Variants in DARS2 observed in about 807,000 individuals in gnomAD.
The protein encoded by DARS2 is aspartate--tRNA ligase, mitochondrial.
A neutral mutation model predicts 83.0 loss-of-function variants in DARS2; 63 were observed. That is an observed-to-expected ratio of 0.76 (90% confidence interval 0.62 to 0.94). The LOEUF is 0.94. DARS2 is among the 40% of genes least tolerant of loss of function. The probability of loss-of-function intolerance (pLI) is 0.00; values close to 1 mark genes in which losing one functional copy is unlikely to be tolerated. For missense variants in DARS2, 675 were observed against 774.4 expected (o/e 0.87, Z 1.52); for synonymous variants, 250 against 269.3 (o/e 0.93, Z 0.70).
At chr1:173,853,664 G>A in intron 14 of DARS2, 97 bp downstream of exon 14, 4 of 1,524,086 alleles carry the variant, frequency 2.6e-6, no homozygotes, top group Non-Finnish European at 3.6e-6. Context: ...CCCAGTTCTG[G>A]AAGCCCCAGA....
rs1054264534 is a variant in DARS2 at position 173,852,144 on chromosome 1, C to G, written c.1345-1205C>G. The G allele has an allele frequency of 1.1e-5, 11 of 985,212 alleles. No homozygotes were observed. In the African/African-American group the frequency reaches 1.9e-4, roughly 17 times the overall value. 61.0% of individuals were successfully genotyped at this position (985,212 alleles called of 1,614,324 possible). On this transcript the variant is annotated intron_variant, in intron 13 of 16. Coordinates refer to ENST00000649689, the MANE Select transcript of DARS2 (RefSeq NM_018122.5). ...TTCTGAAAATGTCACAATGAAGGTCCGTTATGTAGACGTAAATGTAAGATA... is the reference window on the plus strand; with the variant it reads ...TTCTGAAAATGTCACAATGAAGGTCGGTTATGTAGACGTAAATGTAAGATA...
rs369281358 is a variant in DARS2 at position 173,839,582 on chromosome 1, A to C, written c.1020+36A>C. Reference sequence around the variant, plus strand: ...TCACTTTTCTAGGACTCTGTCCCCAAATAATCCTGCAGTCTTTTTAAACCA... The same window carrying C: ...TCACTTTTCTAGGACTCTGTCCCCACATAATCCTGCAGTCTTTTTAAACCA... On this transcript the variant is annotated intron_variant, in intron 10 of 16. Coordinates refer to ENST00000649689, the MANE Select transcript of DARS2 (RefSeq NM_018122.5). 5 of 1,590,774 alleles carry C rather than the reference A, an allele frequency of 3.1e-6. No individual in the cohort carries two copies. The South Asian group carries it at 5.5e-5, about 18-fold the overall frequency.
intron 6 of DARS2, among the ~76,000 whole-genome samples, chr1:173,834,015 C>G (rs1308834593): frequency 6.6e-6 from 1 of 152,090 alleles, no homozygotes; most frequent in Non-Finnish European, 1.5e-5. Flanking sequence ...TCCCACCTAA[C>G]CATCCCAAAG....
At chr1:173,843,223 C>T (rs906152249) in intron 11 of DARS2, among the ~76,000 whole-genome samples, 2 of 151,980 alleles carry the variant, frequency 1.3e-5, no homozygotes, top group African/African-American at 4.8e-5. Context: ...GGTTTATTGC[C>T]ATACAAAGAA....
At position 173,838,184 on chromosome 1, in the gene DARS2, T is replaced by A; in HGVS notation, c.771-6T>A. ...TAACTCAATTAATGCTATTTCTCAA[T>A]TGTAGATATTTTCAGGTTGCCCGAT... On this transcript the variant is annotated splice_polypyrimidine_tract_variant and splice_region_variant and intron_variant, in intron 8 of 16. Transcript: ENST00000649689. The A allele has an allele frequency of 6.2e-7, 1 of 1,609,174 alleles. No individual in the cohort carries two copies. The highest frequency in any genetic ancestry group is 8.5e-7 in the Non-Finnish European group (1 of 1,175,574).
chr1:173,825,948 C>T (rs1652521802), intron 1 of DARS2, among the ~76,000 whole-genome samples: 1 of 151,020 alleles, frequency 6.6e-6, no homozygotes, highest in Non-Finnish European at 1.5e-5. Flanking sequence ...TTCGGCCGGG[C>T]GCGGTGGCTC....
chr1:173,846,075 G>A (rs1166410898), intron 12 of DARS2, among the ~76,000 whole-genome samples: 3 of 151,662 alleles, frequency 2.0e-5, no homozygotes, highest in Non-Finnish European at 2.9e-5. Context: ...GGAGAATGGC[G>A]TGAACGCAGG....
Position 173,834,745 on chromosome 1 carries a change from T to A in DARS2, c.663+226T>A, listed in dbSNP as rs9425754. Among the ~76,000 whole-genome samples the A allele has an allele frequency of 0.019, 2,369 of 124,924 alleles. 140 individuals carry two copies. Among genetic ancestry groups the A allele is most frequent in the African/African-American group, 0.091 (2,193 of 23,970 alleles). 82.0% of individuals were successfully genotyped at this position (124,924 alleles called of 152,430 possible). ...TTGAGTTTTTTTGTTTTTTTTTTTT[T>A]TTTTTTTTTTTTGGTTTGTTTTGGG... On this transcript the variant is annotated intron_variant, in intron 7 of 16. Coordinates refer to ENST00000649689, the MANE Select transcript of DARS2 (RefSeq NM_018122.5).
intron 13 of DARS2, among the ~76,000 whole-genome samples, chr1:173,852,745 C>T (rs185983298): frequency 9.9e-5 from 15 of 152,148 alleles, no homozygotes; most frequent in Admixed American, 2.0e-4. Flanking sequence ...CCTTGTGATC[C>T]GCCCGCCTCG....
intron 12 of DARS2, among the ~76,000 whole-genome samples, chr1:173,847,351 C>G (rs1004927244): frequency 6.6e-6 from 1 of 152,078 alleles, no homozygotes; most frequent in Admixed American, 6.5e-5. Context: ...AAATCTGCAT[C>G]TAAGAACCAT....
chr1:173,855,832 T>C (rs56124923), intron 15 of DARS2, among the ~76,000 whole-genome samples: 78 of 148,634 alleles, frequency 5.2e-4, no homozygotes, highest in African/African-American at 2.0e-3. Flanking sequence ...TTTTTTTTTT[T>C]GTATTTTTAG....
chr1:173,828,088 TA>T (rs1652651151), intron 2 of DARS2, among the ~76,000 whole-genome samples: 1 of 151,970 alleles, frequency 6.6e-6, no homozygotes, highest in African/African-American at 2.4e-5. Flanking sequence ...AAGTAGACAA[TA>T]AAAATTGAAA....
intron 15 of DARS2, among the ~76,000 whole-genome samples, chr1:173,856,332 C>T (rs1296302286): frequency 6.6e-6 from 1 of 152,228 alleles, no homozygotes; most frequent in African/African-American, 2.4e-5. Context: ...CCCTTGGTCT[C>T]TGTGACAGGA....
chr1:173,834,335 C>T, intron 6 of DARS2, 138 bp from the exon 7 acceptor site: 2 of 674,760 alleles, frequency 3.0e-6, no homozygotes. Flanking sequence ...AAACCAGCAC[C>T]AGTAGGCTTG....
intron 15 of DARS2, 71 bp downstream of exon 15, chr1:173,853,976 G>A: frequency 7.4e-7 from 1 of 1,358,222 alleles, no homozygotes; most frequent in Non-Finnish European, 1.0e-6. Context: ...TGTTGTTGTT[G>A]TTGTTTGCTT....
intron 5 of DARS2, among the ~76,000 whole-genome samples, chr1:173,833,091 T>G (rs1332440619): frequency 1.3e-5 from 2 of 152,202 alleles, no homozygotes; most frequent in Non-Finnish European, 2.9e-5. Flanking sequence ...TTTAAATTTT[T>G]TTCAAGATTC....
intron 12 of DARS2, among the ~76,000 whole-genome samples, chr1:173,848,837 T>C (rs766406498): frequency 3.9e-5 from 6 of 152,208 alleles, no homozygotes; most frequent in Non-Finnish European, 7.3e-5. Context: ...AGAAAATTAT[T>C]TTATTATCTA....
intron 15 of DARS2, among the ~76,000 whole-genome samples, chr1:173,855,890 A>G (rs999124908): frequency 5.3e-5 from 8 of 151,052 alleles, no homozygotes; most frequent in African/African-American, 1.7e-4. Flanking sequence ...TGAACCCCCA[A>G]TCTCAGGTGA....
chr1:173,828,298 T>C, intron 2 of DARS2, 35 bp from the exon 3 acceptor site: 1 of 1,601,710 alleles, frequency 6.2e-7, no homozygotes, highest in Non-Finnish European at 8.5e-7. Flanking sequence ...AGATTTTATC[T>C]TAAAATGTTT....
Sources: allele counts gnomAD v4.1 joint callset (sites outside exome capture counted in the v4.1 genomes callset), GRCh38; gene constraint gnomAD v4.1.1; transcripts MANE v1.5; gene names NCBI Gene and HGNC (gene_info 2026-07-23, HGNC 2026-07-21).